Variants in IFT70B observed in about 807,000 individuals in gnomAD.
IFT70B encodes intraflagellar transport 70B, also known as intraflagellar transport protein 70B.
the IFT70B span, chr2:177,549,620 G>A: frequency 6.6e-6 from 1 of 152,204 alleles, no homozygotes; most frequent in African/African-American, 2.4e-5. Context: ...CTTTTTGTGG[G>A]AAGAGAGGAG....
At chr2:177,552,451 G>C in the IFT70B span, 1 of 1,612,904 alleles carries the variant, frequency 6.2e-7, no homozygotes, top group East Asian at 2.2e-5. Context: ...TTATCCAGGA[G>C]AAGGAAGGCG....
chr2:177,552,706 G>C, the IFT70B span: 1 of 1,596,370 alleles, frequency 6.3e-7, no homozygotes, highest in East Asian at 2.3e-5. Flanking sequence ...CGGATGAGGC[G>C]GTACACGACC....
the IFT70B span, chr2:177,550,789 C>T: frequency 1.9e-5 from 31 of 1,609,024 alleles, 1 homozygote; most frequent in Middle Eastern, 5.0e-4. Flanking sequence ...CCTATAATCT[C>T]ATAAATCAAA....
the IFT70B span, chr2:177,550,593 G>GA: frequency 1.8e-6 from 1 of 549,340 alleles, no homozygotes; most frequent in Non-Finnish European, 3.0e-6. Flanking sequence ...AAAGTTCTTA[G>GA]AATATGTCAC....
At chr2:177,552,661 C>T in the IFT70B span, 2 of 1,590,556 alleles carry the variant, frequency 1.3e-6, no homozygotes, top group Non-Finnish European at 1.7e-6. Context: ...AGTTCTCCGC[C>T]CAGCAGCTGC....
At chr2:177,550,660 G>A in the IFT70B span, 11 of 1,011,586 alleles carry the variant, frequency 1.1e-5, no homozygotes, top group Admixed American at 2.9e-5. Flanking sequence ...TAATGCATAA[G>A]TGTACAAAGT....
chr2:177,551,765 A>T, the IFT70B span: 1 of 1,614,110 alleles, frequency 6.2e-7, no homozygotes. Flanking sequence ...CAAAATACTC[A>T]TATTTACAGT....
the IFT70B span, chr2:177,551,690 G>C: frequency 1.9e-6 from 3 of 1,614,230 alleles, no homozygotes; most frequent in Non-Finnish European, 2.5e-6. Flanking sequence ...AGAAGTCATA[G>C]AGATAGGGTG....
At chr2:177,550,728 TAAC>T in the IFT70B span, 6 of 1,523,754 alleles carry the variant, frequency 3.9e-6, no homozygotes, top group South Asian at 1.3e-5. Flanking sequence ...CAAATTTACA[TAAC>T]AAAGCCATTT....
At chr2:177,552,662 C>T in the IFT70B span, 1 of 1,590,730 alleles carries the variant, frequency 6.3e-7, no homozygotes, top group Non-Finnish European at 8.6e-7. Context: ...GTTCTCCGCC[C>T]AGCAGCTGCA....
chr2:177,552,675 G>T, the IFT70B span: 1 of 1,593,920 alleles, frequency 6.3e-7, no homozygotes, highest in African/African-American at 1.3e-5. Context: ...CAGCTGCACC[G>T]CCTCGGCGTA....
At chr2:177,551,995 T>G in the IFT70B span, 1 of 1,614,176 alleles carries the variant, frequency 6.2e-7, no homozygotes, top group Non-Finnish European at 8.5e-7. Flanking sequence ...ATAGCTGCCT[T>G]AAGGTTGAAG....
chr2:177,552,573 G>A, the IFT70B span: 2 of 1,597,424 alleles, frequency 1.3e-6, no homozygotes, highest in Non-Finnish European at 8.5e-7. Context: ...GCACTCGGCC[G>A]CCAGCGCGAA....
At chr2:177,552,050 A>G in the IFT70B span, 1 of 1,614,234 alleles carries the variant, frequency 6.2e-7, no homozygotes, top group Non-Finnish European at 8.5e-7. Flanking sequence ...TGTTGCCAAC[A>G]CTGCGAACAT....
At chr2:177,551,821 G>A in the IFT70B span, 1 of 1,614,252 alleles carries the variant, frequency 6.2e-7, no homozygotes. Context: ...AAGGGATTCT[G>A]TTGGAGCAAA....
chr2:177,551,153 A>C, the IFT70B span: 4 of 1,614,012 alleles, frequency 2.5e-6, no homozygotes, highest in African/African-American at 1.3e-5. Flanking sequence ...ACATTTTCTT[A>C]TCTGGGTCAT....
At chr2:177,551,974 G>C in the IFT70B span, 1 of 1,614,242 alleles carries the variant, frequency 6.2e-7, no homozygotes, top group Middle Eastern at 1.6e-4. Context: ...TAGTTTCTCA[G>C]TTGGTATTCT....
chr2:177,552,431 G>A, the IFT70B span: 1 of 1,613,342 alleles, frequency 6.2e-7, no homozygotes, highest in Non-Finnish European at 8.5e-7. Flanking sequence ...CCCGGCTGTG[G>A]TAGGCGGGGT....
At chr2:177,550,717 G>A in the IFT70B span, 1 of 1,462,762 alleles carries the variant, frequency 6.8e-7, no homozygotes, top group Non-Finnish European at 9.2e-7. Context: ...ATAAAGCGAT[G>A]CAAATTTACA....
Sources: allele counts gnomAD v4.1 joint callset, GRCh38; gene constraint gnomAD v4.1.1; transcripts MANE v1.5; gene names NCBI Gene and HGNC (gene_info 2026-07-23, HGNC 2026-07-21).